Variants in DMXL1 observed in about 807,000 individuals in gnomAD.
DMXL1 encodes the protein dmX-like protein 1.
A neutral mutation model predicts 319.2 loss-of-function variants in DMXL1; 99 were observed. The ratio of observed to expected loss-of-function variants is 0.31; its 90% CI spans 0.26 to 0.37. DMXL1 has a LOEUF of 0.37. Ranked by LOEUF, DMXL1 falls within the 10% of genes least tolerant of loss-of-function variation. The pLI, the probability that DMXL1 is intolerant of heterozygous loss-of-function variation, is 1.00. For missense variants in DMXL1, 3,745 were observed against 3,595.6 expected (o/e 1.04, Z -1.06); for synonymous variants, 1,385 against 1,235.2 (o/e 1.12, Z -2.54).
chr5:119,234,547 G>C (rs185272400), intron 39 of DMXL1, among the ~76,000 whole-genome samples: 1 of 152,236 alleles, frequency 6.6e-6, no homozygotes, highest in East Asian at 1.9e-4. Flanking sequence ...GTTTTATGTA[G>C]TTGTGAAACA....
At chr5:119,164,720 G>C in intron 20 of DMXL1, 44 bp downstream of exon 20, 1 of 1,514,168 alleles carries the variant, frequency 6.6e-7, no homozygotes, top group Non-Finnish European at 8.9e-7. Flanking sequence ...ATATTTTTTG[G>C]ACGTTTCTTT....
chr5:119,122,706 G>C (rs1762466744), intron 9 of DMXL1, among the ~76,000 whole-genome samples: 1 of 151,768 alleles, frequency 6.6e-6, no homozygotes, highest in Non-Finnish European at 1.5e-5. Flanking sequence ...TCCCAGACGG[G>C]GCGGCGGGGC....
chr5:119,147,058 T>G, intron 16 of DMXL1, 102 bp downstream of exon 16: 2 of 1,352,226 alleles, frequency 1.5e-6, no homozygotes, highest in Admixed American at 4.5e-5. Context: ...GCCATTCTCA[T>G]TAAATGGTGA....
chr5:119,237,063 A>G (rs1359626960), intron 39 of DMXL1: 3 of 199,138 alleles, frequency 1.5e-5, no homozygotes, highest in South Asian at 1.8e-4. Flanking sequence ...TAATACTTAC[A>G]GAGAATATAT....
intron 30 of DMXL1, among the ~76,000 whole-genome samples, chr5:119,195,026 A>G (rs766039654): frequency 2.6e-5 from 4 of 152,136 alleles, no homozygotes; most frequent in Non-Finnish European, 5.9e-5. Flanking sequence ...TCAGTTTCCC[A>G]ATGAGACAAC....
At chr5:119,089,095 A>C (rs952913839) in intron 1 of DMXL1, among the ~76,000 whole-genome samples, 3 of 150,972 alleles carry the variant, frequency 2.0e-5, no homozygotes, top group Non-Finnish European at 4.4e-5. Context: ...TCTGGGAAAT[A>C]CTTTATCTCT....
At chr5:119,082,291 A>G (rs1330565110) in intron 1 of DMXL1, among the ~76,000 whole-genome samples, 1 of 151,264 alleles carries the variant, frequency 6.6e-6, no homozygotes, top group Non-Finnish European at 1.5e-5. Context: ...TTATTTTTTT[A>G]GAGACAGGGT....
intron 1 of DMXL1, among the ~76,000 whole-genome samples, chr5:119,077,875 G>T (rs1447189319): frequency 9.0e-6 from 1 of 111,678 alleles, no homozygotes; most frequent in Non-Finnish European, 1.9e-5. Flanking sequence ...GTGTGTGTGT[G>T]TAGATATATA....
chr5:119,143,493 T>G (rs1260671725), intron 13 of DMXL1, among the ~76,000 whole-genome samples: 1 of 152,030 alleles, frequency 6.6e-6, no homozygotes, highest in Admixed American at 6.6e-5. Flanking sequence ...CTTGTTTCTT[T>G]AGCTCTATCC....
intron 28 of DMXL1, among the ~76,000 whole-genome samples, chr5:119,183,934 A>G (rs1043079614): frequency 6.6e-6 from 1 of 152,182 alleles, no homozygotes; most frequent in Non-Finnish European, 1.5e-5. Flanking sequence ...GCATGTATAG[A>G]TTTTTACATG....
At chr5:119,209,400 G>A (rs373707488) in intron 34 of DMXL1, among the ~76,000 whole-genome samples, 1 of 151,306 alleles carries the variant, frequency 6.6e-6, no homozygotes, top group African/African-American at 2.4e-5. Flanking sequence ...TCCCAGGCTG[G>A]GTGTAGTGGT....
In DMXL1 at chr5:119,149,776, G is replaced by A; in HGVS notation, c.3949G>A (p.Val1317Ile). The A allele has an allele frequency of 1.9e-6, 3 of 1,613,938 alleles. No individual in the cohort carries two copies. Among genetic ancestry groups the A allele is most frequent in the South Asian group, 1.1e-5 (1 of 91,078 alleles). Residue 1317 changes from valine (V) to isoleucine (I), a missense_variant, in exon 18 of 44, where the codon GTA (valine) becomes ATA (isoleucine). Val to Ile is a conservative substitution (Grantham distance 29). Coordinates refer to ENST00000539542, the MANE Select transcript of DMXL1 (RefSeq NM_001290321.3). ...TTCAGGTCTTTTTGAAGCAGCTCAT[G>A]TACTTTCCCCGACTCTACCTCAGTA... ...EDSGLFEAAHVLSPTLPQYHP... is the reference protein window; with the variant it reads ...EDSGLFEAAHILSPTLPQYHP...
intron 33 of DMXL1, among the ~76,000 whole-genome samples, chr5:119,204,563 T>G (rs1396401111): frequency 1.3e-5 from 2 of 152,154 alleles, no homozygotes; most frequent in South Asian, 2.1e-4. Flanking sequence ...AATGGGTTTT[T>G]TTTTTTTTTT....
At position 119,071,578 on chromosome 5, in the gene DMXL1, G is replaced by T. The variant is rs1422895603; in HGVS notation, c.9G>T (p.Leu3=). Reference sequence around the variant, plus strand: ...AGGACTAGGGCGCCGACATGAACCTGCACCAGGTGCTGACCGGGGCTGTGA... The same window carrying T: ...AGGACTAGGGCGCCGACATGAACCTTCACCAGGTGCTGACCGGGGCTGTGA... MN[L]HQVLTGAVNP... Residue 3 remains leucine (L), a synonymous_variant, in exon 1 of 44, where the codon CTG becomes CTT. Transcript: ENST00000539542. 1.2e-6 allele frequency: 2 copies of T among 1,605,186 alleles called. No homozygotes were observed. Among genetic ancestry groups the T allele is most frequent in the African/African-American group, 2.7e-5 (2 of 74,634 alleles).
chr5:119,192,171 A>G (rs1247775139), intron 29 of DMXL1, among the ~76,000 whole-genome samples: 1 of 152,178 alleles, frequency 6.6e-6, no homozygotes, highest in Non-Finnish European at 1.5e-5. Context: ...ATAAAATCAG[A>G]CAAAACTTTT....
In DMXL1 at chr5:119,113,265, C is replaced by T. The variant is rs117904453; in HGVS notation, c.498-1210C>T. 2.3e-3 allele frequency among the ~76,000 whole-genome samples: 347 copies of T among 152,196 alleles called. 8 individuals carry two copies. The East Asian group carries it at 0.05, about 22-fold the overall frequency. On this transcript the variant is annotated intron_variant, in intron 5 of 43. Coordinates refer to ENST00000539542, the MANE Select transcript of DMXL1 (RefSeq NM_001290321.3). ...TTTTTGTTGTTGTTGTTGTTCGAGA[C>T]GGAGTCTTGCTCTGTCACCCAGGCT...
chr5:119,100,271 AAT>A (rs1756945346), intron 2 of DMXL1, among the ~76,000 whole-genome samples: 1 of 151,614 alleles, frequency 6.6e-6, no homozygotes, highest in Non-Finnish European at 1.5e-5. Flanking sequence ...TCTACTACAA[AAT>A]AAAAAAAAAA....
At chr5:119,090,591 TCACTC>T (rs1554085873) in intron 1 of DMXL1, among the ~76,000 whole-genome samples, 1 of 150,636 alleles carries the variant, frequency 6.6e-6, no homozygotes, top group Non-Finnish European at 1.5e-5. Context: ...AGACAGAGTT[TCACTC>T]TTTTTGCCCA....
chr5:119,099,080 A>G (rs1756633857), intron 2 of DMXL1, among the ~76,000 whole-genome samples: 1 of 151,978 alleles, frequency 6.6e-6, no homozygotes, highest in African/African-American at 2.4e-5. Context: ...CCTTTAATAT[A>G]GTTACAGGTG....
Sources: allele counts gnomAD v4.1 joint callset (sites outside exome capture counted in the v4.1 genomes callset), GRCh38; gene constraint gnomAD v4.1.1; transcripts MANE v1.5; gene names NCBI Gene and HGNC (gene_info 2026-07-23, HGNC 2026-07-21).